CACNA1C: variants seen among roughly 807,000 people sequenced by gnomAD.
CACNA1C encodes voltage-dependent L-type calcium channel subunit alpha-1C.
Under a neutral mutation model 229.0 loss-of-function variants are expected in CACNA1C, and 30 were observed. That is an observed-to-expected ratio of 0.13 (90% CI 0.10 to 0.18). CACNA1C has a LOEUF of 0.18. Among genes scored for constraint, CACNA1C ranks in the 10% least tolerant of loss-of-function variants. The pLI is 1.00. For missense variants in CACNA1C, 1,658 were observed against 2,845.0 expected (o/e 0.58, Z 9.49); for synonymous variants, 1,114 against 1,132.5 (o/e 0.98, Z 0.33).
At chr12:2,085,871 C>T (rs2067435865) in intron 1 of CACNA1C, among the ~76,000 whole-genome samples, 1 of 152,192 alleles carries the variant, frequency 6.6e-6, no homozygotes, top group Admixed American at 6.5e-5. Flanking sequence ...ACCAACCCTA[C>T]ACTTCAGATG....
intron 9 of CACNA1C, among the ~76,000 whole-genome samples, chr12:2,526,339 T>A (rs974897188): frequency 6.6e-6 from 1 of 152,192 alleles, no homozygotes; most frequent in African/African-American, 2.4e-5. Flanking sequence ...CAGGGCCTTG[T>A]CACATCACAC....
intron 3 of CACNA1C, among the ~76,000 whole-genome samples, chr12:2,214,854 A>C (rs2059582137): frequency 6.6e-6 from 1 of 151,284 alleles, no homozygotes; most frequent in Non-Finnish European, 1.5e-5. Context: ...CATCCCTTCT[A>C]GTCTATGCTT....
chr12:2,621,751 T>C (rs188352369), intron 29 of CACNA1C, among the ~76,000 whole-genome samples: 149 of 152,108 alleles, frequency 9.8e-4, no homozygotes, highest in African/African-American at 3.1e-3. Flanking sequence ...GGCTCCGGGG[T>C]TCCTGGCTTT....
At chr12:2,415,570 A>G (rs1450302421) in intron 3 of CACNA1C, among the ~76,000 whole-genome samples, 1 of 152,200 alleles carries the variant, frequency 6.6e-6, no homozygotes, top group Non-Finnish European at 1.5e-5. Context: ...TCCCAAGAAG[A>G]AGAAATGAAA....
chr12:2,396,383 G>A (rs1013908572), intron 3 of CACNA1C, among the ~76,000 whole-genome samples: 3 of 152,138 alleles, frequency 2.0e-5, no homozygotes, highest in East Asian at 1.9e-4. Flanking sequence ...TCAAGGGGAC[G>A]AAGAGGCCTG....
At chr12:2,092,559 T>C (rs2071699454) in intron 1 of CACNA1C, among the ~76,000 whole-genome samples, 2 of 152,178 alleles carry the variant, frequency 1.3e-5, no homozygotes, top group Non-Finnish European at 2.9e-5. Context: ...CCGACTCTCC[T>C]CTGGAGCAGG....
At chr12:2,232,237 T>TG (rs1249030489) in intron 3 of CACNA1C, among the ~76,000 whole-genome samples, 1 of 144,944 alleles carries the variant, frequency 6.9e-6, no homozygotes, top group African/African-American at 2.6e-5. Flanking sequence ...GTTTTTTTTT[T>TG]TTTTTTTTTT....
chr12:2,039,322 A>G (rs2049687345), intron 1 of CACNA1C, among the ~76,000 whole-genome samples: 1 of 152,166 alleles, frequency 6.6e-6, no homozygotes, highest in Admixed American at 6.5e-5. Context: ...TCATGTAGAT[A>G]CTTTTATGAG....
At chr12:2,528,803 C>T (rs1457426354) in intron 9 of CACNA1C, among the ~76,000 whole-genome samples, 4 of 152,138 alleles carry the variant, frequency 2.6e-5, no homozygotes, top group South Asian at 2.1e-4. Context: ...CGGTTATCTG[C>T]GCAAGTATAG....
chr12:2,536,283 G>A (rs1459763036), intron 9 of CACNA1C, among the ~76,000 whole-genome samples: 1 of 152,220 alleles, frequency 6.6e-6, no homozygotes, highest in Non-Finnish European at 1.5e-5. Context: ...AGAACAGGGT[G>A]CAAACGTCAA....
At chr12:2,584,668 A>G in intron 16 of CACNA1C, 51 bp downstream of exon 16, 1 of 1,224,756 alleles carries the variant, frequency 8.2e-7, no homozygotes, top group Non-Finnish European at 1.2e-6. Context: ...CCCATTGTGG[A>G]ATGTCTTCCC....
At chr12:2,412,847 G>A (rs1567537625) in intron 3 of CACNA1C, among the ~76,000 whole-genome samples, 1 of 152,096 alleles carries the variant, frequency 6.6e-6, no homozygotes, top group South Asian at 2.1e-4. Flanking sequence ...CCTATTCTAC[G>A]GGATAGAATT....
chr12:2,468,926 T>C (rs2099575174), intron 5 of CACNA1C, among the ~76,000 whole-genome samples: 1 of 152,264 alleles, frequency 6.6e-6, no homozygotes, highest in Admixed American at 6.5e-5. Flanking sequence ...CCTTTCACCA[T>C]GGCAGTTGCC....
intron 19 of CACNA1C, among the ~76,000 whole-genome samples, chr12:2,594,501 A>G (rs921950588): frequency 6.6e-6 from 1 of 152,000 alleles, no homozygotes; most frequent in Non-Finnish European, 1.5e-5. Flanking sequence ...CTTGACCATT[A>G]TATGTTTTTG....
At chr12:2,453,257 T>C (rs944830000) in intron 4 of CACNA1C, among the ~76,000 whole-genome samples, 1 of 152,164 alleles carries the variant, frequency 6.6e-6, no homozygotes, top group African/African-American at 2.4e-5. Flanking sequence ...TGCCTGGCCC[T>C]GAACTTCTGC....
rs184703335 is a variant in CACNA1C at position 2,630,940 on chromosome 12, T to C, written c.3829-3357T>C. Reference sequence around the variant, plus strand: ...GAGCCATGGGAGGAGGGGGCTCCCATGGTCAAGAAAGAGGGGGCTGTGCCT... The same window carrying C: ...GAGCCATGGGAGGAGGGGGCTCCCACGGTCAAGAAAGAGGGGGCTGTGCCT... On this transcript the variant is annotated intron_variant, in intron 29 of 46. Coordinates refer to ENST00000399655, the MANE Select transcript of CACNA1C (RefSeq NM_000719.7). The surrounding 1 kb of genome is among the most constrained non-coding windows in gnomAD (Gnocchi z 5.4). 4.8e-4 allele frequency among the ~76,000 whole-genome samples: 73 copies of C among 152,200 alleles called. No individual in the cohort carries two copies. In the East Asian group the frequency reaches 0.014, roughly 28 times the overall value.
Position 2,287,940 on chromosome 12 carries a change from T to C in CACNA1C, c.478-161036T>C, listed in dbSNP as rs2092946369. On this transcript the variant is annotated intron_variant, in intron 3 of 46. Transcript: ENST00000399655. The surrounding 1 kb of genome is among the most constrained non-coding windows in gnomAD (Gnocchi z 4.6). The stretch of plus-strand genomic sequence containing the variant: ...TCACATTCTCCAGGTGATTTTAACA[T>C]ATAGCTCTGGCTGAAAACGATTTCT... 6.6e-6 allele frequency: 1 copy of C among 152,112 alleles called. No individual in the cohort carries two copies. The allele number at this position is 152,112 out of a possible 1,614,324, so 9.4% of individuals were successfully genotyped here.
chr12:2,091,849 C>G (rs1327905770), intron 1 of CACNA1C, among the ~76,000 whole-genome samples: 1 of 152,166 alleles, frequency 6.6e-6, no homozygotes, highest in Non-Finnish European at 1.5e-5. Flanking sequence ...TTAGTAGGAA[C>G]AGCATCTAGG....
intron 27 of CACNA1C, 23 bp from the exon 28 acceptor site, chr12:2,610,518 C>T (rs765086290): frequency 6.2e-7 from 1 of 1,603,142 alleles, no homozygotes; most frequent in East Asian, 2.2e-5. Context: ...CCCCACTCTC[C>T]CCATCCTCCA....
Sources: allele counts gnomAD v4.1 joint callset (sites outside exome capture counted in the v4.1 genomes callset), GRCh38; gene constraint gnomAD v4.1.1; non-coding constraint Gnocchi (gnomAD v3.1); transcripts MANE v1.5; gene names NCBI Gene and HGNC (gene_info 2026-07-23, HGNC 2026-07-21).